HCRTR2: variants seen among roughly 807,000 people sequenced by gnomAD.
The protein encoded by HCRTR2 is orexin receptor type 2.
A neutral mutation model predicts 49.0 loss-of-function variants in HCRTR2; 22 were observed. The ratio of observed to expected loss-of-function variants is 0.45; its 90% CI spans 0.32 to 0.64. The LOEUF (loss-of-function observed/expected upper bound fraction) is 0.64. HCRTR2 is among the 30% of genes least tolerant of loss of function. The pLI, the probability that HCRTR2 is intolerant of heterozygous loss-of-function variation, is 0.04. For synonymous variants in HCRTR2, 236 were observed against 205.3 expected (o/e 1.15, Z -1.28); for missense variants, 491 against 559.4 (o/e 0.88, Z 1.23).
chr6:55,138,498 G>A (rs1764461497), intron 1 of HCRTR2, among the ~76,000 whole-genome samples: 1 of 152,206 alleles, frequency 6.6e-6, no homozygotes. Flanking sequence ...AAAGCAATAT[G>A]CGCATGCTGC....
chr6:55,213,856 G>T (rs777758541), intron 1 of HCRTR2, among the ~76,000 whole-genome samples: 1 of 151,952 alleles, frequency 6.6e-6, no homozygotes, highest in Non-Finnish European at 1.5e-5. Context: ...CTCATTTGCC[G>T]CAGTTCCTCC....
At chr6:55,251,593 TG>T (rs1223607461) in intron 2 of HCRTR2, among the ~76,000 whole-genome samples, 15 of 151,778 alleles carry the variant, frequency 9.9e-5, no homozygotes, top group African/African-American at 3.4e-4. Context: ...ATGTGGGAGG[TG>T]GGCAGTGGGT....
At chr6:55,236,536 C>A (rs1301931730) in intron 1 of HCRTR2, among the ~76,000 whole-genome samples, 4 of 151,754 alleles carry the variant, frequency 2.6e-5, no homozygotes, top group Non-Finnish European at 5.9e-5. Flanking sequence ...GCTTTATTAC[C>A]CTTGCTCCAG....
upstream of HCRTR2, chr6:55,174,434 C>A: frequency 2.8e-6 from 2 of 716,726 alleles, no homozygotes; most frequent in East Asian, 5.4e-5. Flanking sequence ...CAGAAGACTC[C>A]GGAGGCATTG....
At chr6:55,214,929 A>C (rs1036555985) in intron 1 of HCRTR2, among the ~76,000 whole-genome samples, 1 of 152,040 alleles carries the variant, frequency 6.6e-6, no homozygotes, top group Non-Finnish European at 1.5e-5. Context: ...AAAAGAGTGA[A>C]GAAACCCTAA....
chr6:55,224,055 T>G (rs9382465), intron 1 of HCRTR2, among the ~76,000 whole-genome samples: 34,283 of 152,056 alleles, frequency 0.23, 3,898 homozygotes, highest in Non-Finnish European at 0.24. Flanking sequence ...AGATAATGAG[T>G]CATCTTAGAG....
chr6:55,186,100 C>T (rs527467447), intron 1 of HCRTR2, among the ~76,000 whole-genome samples: 3 of 152,142 alleles, frequency 2.0e-5, no homozygotes, highest in Non-Finnish European at 4.4e-5. Flanking sequence ...GTTCATTTTT[C>T]TGTTGTCTCC....
At chr6:55,219,150 A>G (rs575009146) in intron 1 of HCRTR2, among the ~76,000 whole-genome samples, 1 of 152,320 alleles carries the variant, frequency 6.6e-6, no homozygotes, top group East Asian at 1.9e-4. Context: ...TAGAACATCC[A>G]GACAGAAGAT....
At chr6:55,243,934 T>C (rs570916272) in intron 1 of HCRTR2, among the ~76,000 whole-genome samples, 17 of 152,226 alleles carry the variant, frequency 1.1e-4, no homozygotes, top group African/African-American at 4.1e-4. Flanking sequence ...GAAAGTTTTT[T>C]ATTTTGTTGG....
downstream of HCRTR2, among the ~76,000 whole-genome samples, chr6:55,284,358 G>A (rs898458431): frequency 6.6e-6 from 1 of 152,092 alleles, no homozygotes; most frequent in East Asian, 1.9e-4. Flanking sequence ...ATCGGCATCA[G>A]CATCATCTGG....
intron 1 of HCRTR2, among the ~76,000 whole-genome samples, chr6:55,192,206 CT>C (rs1163189808): frequency 6.6e-6 from 1 of 152,038 alleles, no homozygotes; most frequent in Non-Finnish European, 1.5e-5. Flanking sequence ...AAATTTTAAT[CT>C]TTTGTTTTCA....
At chr6:55,108,963 C>G (rs4715517) in intron 1 of HCRTR2, among the ~76,000 whole-genome samples, 1 of 152,026 alleles carries the variant, frequency 6.6e-6, no homozygotes, top group African/African-American at 2.4e-5. Flanking sequence ...CATATAAACT[C>G]GGTGCTGTTG....
intron 1 of HCRTR2, among the ~76,000 whole-genome samples, chr6:55,179,176 A>G (rs1398508582): frequency 6.6e-6 from 1 of 152,082 alleles, no homozygotes. Context: ...GCCTAGAGAC[A>G]TTTATTTTCT....
At chr6:55,279,427 G>T (rs183185665) in intron 5 of HCRTR2, among the ~76,000 whole-genome samples, 1 of 148,240 alleles carries the variant, frequency 6.7e-6, no homozygotes, top group Non-Finnish European at 1.5e-5. Context: ...ACTCTATATA[G>T]TATTTTTGTA....
At chr6:55,130,392 T>C (rs981406654) in intron 1 of HCRTR2, among the ~76,000 whole-genome samples, 2 of 151,604 alleles carry the variant, frequency 1.3e-5, no homozygotes, top group Non-Finnish European at 3.0e-5. Context: ...TTTTGTTTTT[T>C]TTTTCATTTT....
chr6:55,151,257 G>A (rs538891277), intron 1 of HCRTR2, among the ~76,000 whole-genome samples: 1 of 152,010 alleles, frequency 6.6e-6, no homozygotes, highest in African/African-American at 2.4e-5. Context: ...TCTGTGTTAT[G>A]CAATGCTGAC....
intron 1 of HCRTR2, among the ~76,000 whole-genome samples, chr6:55,202,753 C>T (rs1013976024): frequency 2.8e-4 from 18 of 64,240 alleles, no homozygotes; most frequent in African/African-American, 1.7e-3. Context: ...GATTAGGTTT[C>T]AACAAATGAA....
chr6:55,231,115 A>G (rs951806354), intron 1 of HCRTR2, among the ~76,000 whole-genome samples: 3 of 152,132 alleles, frequency 2.0e-5, no homozygotes, highest in African/African-American at 4.8e-5. Context: ...TTATCCAATC[A>G]ATATTCTACT....
intron 2 of HCRTR2, among the ~76,000 whole-genome samples, chr6:55,254,475 C>T (rs1562023327): frequency 1.3e-5 from 2 of 152,056 alleles, no homozygotes; most frequent in South Asian, 2.1e-4. Flanking sequence ...GGTGAACTTA[C>T]CTAGTTTTTG....
Sources: gnomAD v4.1 joint callset for allele counts (sites outside exome capture counted in the v4.1 genomes callset) on GRCh38, gnomAD v4.1.1 for gene constraint, MANE v1.5 for transcripts, NCBI Gene and HGNC (gene_info 2026-07-23, HGNC 2026-07-21) for gene names.